LONRF2: variants seen among roughly 807,000 people sequenced by gnomAD.
The protein encoded by LONRF2 is LON peptidase N-terminal domain and RING finger protein 2.
In LONRF2, 35 loss-of-function variants were observed where a neutral mutation model predicts 66.6. The ratio of observed to expected loss-of-function variants is 0.53; its 90% CI spans 0.40 to 0.70. The LOEUF is 0.70. Among genes scored for constraint, LONRF2 ranks in the 30% least tolerant of loss-of-function variants. LONRF2 has a pLI of 0.00. For missense variants in LONRF2, 902 were observed against 1,002.1 expected (o/e 0.90, Z 1.35); for synonymous variants, 417 against 418.1 (o/e 1.00, Z 0.03).
At chr2:100,285,913 G>C (rs1040028008) in intron 11 of LONRF2, among the ~76,000 whole-genome samples, 1 of 152,104 alleles carries the variant, frequency 6.6e-6, no homozygotes, top group Non-Finnish European at 1.5e-5. Flanking sequence ...TAATATACCC[G>C]CCAAGTAGAG....
rs1329857600 is a variant in LONRF2 at position 100,295,631 on chromosome 2, A to C, written c.1477-78T>G. 7.6e-6 allele frequency: 11 copies of C among 1,449,136 alleles called. No individual in the cohort carries two copies. In the Admixed American group the frequency reaches 1.8e-4, roughly 24 times the overall value. 89.8% of individuals were successfully genotyped at this position (1,449,136 alleles called of 1,614,324 possible). A position where few individuals can be genotyped will look rare whatever the true frequency, so the allele number is the denominator to read the frequency against. On this transcript the variant is annotated intron_variant, in intron 7 of 11. Transcript: ENST00000393437. Reference sequence around the variant, plus strand: ...GAAGCTTCCGAGTGGAAAGGTGAACAAGGAGGTGGTGGGTGGGATCTCTGA... The same window carrying C: ...GAAGCTTCCGAGTGGAAAGGTGAACCAGGAGGTGGTGGGTGGGATCTCTGA...
At chr2:100,307,070 G>T (rs1573122276) in intron 2 of LONRF2, among the ~76,000 whole-genome samples, 1 of 151,754 alleles carries the variant, frequency 6.6e-6, no homozygotes, top group Non-Finnish European at 1.5e-5. Context: ...ACAGGCGCCC[G>T]CCACCATGCC....
chr2:100,301,590 CCA>C (rs746853865), intron 3 of LONRF2, among the ~76,000 whole-genome samples: 59 of 152,330 alleles, frequency 3.9e-4, no homozygotes, highest in South Asian at 1.0e-3. Context: ...GGAGATGGAG[CCA>C]CATTCCATGT....
At position 100,284,055 on chromosome 2, in the gene LONRF2, G is replaced by T; in HGVS notation, c.*243C>A. 4 of 401,050 alleles carry T rather than the reference G, an allele frequency of 1.0e-5. No homozygotes were observed. The highest frequency in any genetic ancestry group is 1.8e-5 in the Non-Finnish European group (4 of 223,560). 24.8% of individuals were successfully genotyped at this position (401,050 alleles called of 1,614,324 possible). A position where few individuals can be genotyped will look rare whatever the true frequency, so the allele number is the denominator to read the frequency against. ...ATTCCCCAAGCACCTGCTTCTAAGA[G>T]ATTTTCTTAGGTTGTTTTCCAACTA... On this transcript the variant is annotated 3_prime_UTR_variant, in exon 12 of 12. Coordinates refer to ENST00000393437, the MANE Select transcript of LONRF2 (RefSeq NM_198461.4).
intron 7 of LONRF2, among the ~76,000 whole-genome samples, chr2:100,298,286 G>C (rs907674512): frequency 3.3e-5 from 5 of 152,092 alleles, no homozygotes; most frequent in African/African-American, 1.2e-4. Context: ...TTATATTGGG[G>C]CTAAATATCA....
chr2:100,308,273 G>C (rs2105731900), intron 2 of LONRF2, among the ~76,000 whole-genome samples: 1 of 152,104 alleles, frequency 6.6e-6, no homozygotes, highest in Non-Finnish European at 1.5e-5. Context: ...GGGAGGCTGA[G>C]GCAGGAGAAT....
In LONRF2 at chr2:100,278,439, A is replaced by T. The variant is rs917373029; in HGVS notation, c.*5859T>A. The T allele has an allele frequency of 3.9e-5, 6 of 152,174 alleles. No homozygotes were observed. The highest frequency in any genetic ancestry group is 1.2e-4 in the African/African-American group (5 of 41,412). 9.4% of individuals were successfully genotyped at this position (152,174 alleles called of 1,614,324 possible). On this transcript the variant is annotated 3_prime_UTR_variant, in exon 12 of 12. Transcript: ENST00000393437. The stretch of plus-strand genomic sequence containing the variant: ...GCTCCCACAGGCCGTGCAGCTGCTC[A>T]TCCGATACGGGACCCACTTGAGCCT...
At chr2:100,297,549 C>T (rs1409971218) in intron 7 of LONRF2, among the ~76,000 whole-genome samples, 2 of 152,318 alleles carry the variant, frequency 1.3e-5, no homozygotes, top group East Asian at 3.9e-4. Flanking sequence ...AGGGCTCACA[C>T]ATACATGCAT....
chr2:100,284,209 G>C lies in LONRF2; in HGVS notation c.*89C>G. 1 of 1,257,484 alleles carries C rather than the reference G, an allele frequency of 8.0e-7. No homozygotes were observed. Among genetic ancestry groups the C allele is most frequent in the Non-Finnish European group, 1.1e-6 (1 of 935,190 alleles). The allele number at this position is 1,257,484 out of a possible 1,614,324, so 77.9% of individuals were successfully genotyped here. Reference sequence around the variant, plus strand: ...TTTGGAACCTCATCCACAAGCACTTGATGAAGCACAATGAATGGACGGCTA... The same window carrying C: ...TTTGGAACCTCATCCACAAGCACTTCATGAAGCACAATGAATGGACGGCTA... On this transcript the variant is annotated 3_prime_UTR_variant, in exon 12 of 12. Transcript: ENST00000393437.
rs1457800938 is a variant in LONRF2, at chr2:100,303,007, C to G, written c.835G>C (p.Gly279Arg). Reference protein sequence around the residue: ...QVKAQALSGLGRSKEVLKEFL... With the variant: ...QVKAQALSGLRRSKEVLKEFL... ...TCCTTTAACACTTCCTTACTTCTTC[C>G]CAATCCAGAAAGAGCCTGAGCTTTT... Residue 279 changes from glycine to arginine, a missense_variant, in exon 3 of 12, where the codon GGA becomes CGA. Around this residue, in one of 2 missense-constraint regions of LONRF2, gnomAD observed 585 missense variants for 569.9 expected, o/e 1.03. Coordinates refer to ENST00000393437, the MANE Select transcript of LONRF2 (RefSeq NM_198461.4). 1 of 1,609,692 alleles carries G rather than the reference C, an allele frequency of 6.2e-7. No homozygotes were observed. The highest frequency in any genetic ancestry group is 2.2e-5 in the East Asian group (1 of 44,734).
intron 11 of LONRF2, 97 bp downstream of exon 11, chr2:100,286,817 T>C: frequency 7.1e-7 from 1 of 1,403,284 alleles, no homozygotes; most frequent in Non-Finnish European, 9.7e-7. Flanking sequence ...CACATTGGGG[T>C]AACCAGCATC....
At chr2:100,296,966 C>G (rs767310679) in intron 7 of LONRF2, among the ~76,000 whole-genome samples, 40 of 152,084 alleles carry the variant, frequency 2.6e-4, no homozygotes, top group Non-Finnish European at 5.1e-4. Flanking sequence ...CACTTTATAG[C>G]ATTCTAATTT....
chr2:100,300,563 A>T, intron 4 of LONRF2, 81 bp downstream of exon 4: 1 of 1,356,412 alleles, frequency 7.4e-7, no homozygotes, highest in Non-Finnish European at 1.0e-6. Context: ...ATAATGTGTG[A>T]ATAATCTGTA....
chr2:100,301,422 C>T (rs762988778), intron 3 of LONRF2, among the ~76,000 whole-genome samples: 4 of 152,206 alleles, frequency 2.6e-5, no homozygotes, highest in Non-Finnish European at 5.9e-5. Context: ...AAAGGAGTGA[C>T]TGAAACCTAA....
At chr2:100,309,626 T>C (rs1406458631) in intron 1 of LONRF2, 1 of 152,682 alleles carries the variant, frequency 6.5e-6, no homozygotes, top group Admixed American at 6.5e-5. Flanking sequence ...TTTATGAAAG[T>C]ATGCAAGGAA....
chr2:100,299,029 T>C (rs1675126039), intron 6 of LONRF2, 79 bp from the exon 7 acceptor site: 1 of 1,111,000 alleles, frequency 9.0e-7, no homozygotes, highest in African/African-American at 1.5e-5. Flanking sequence ...GAAGGATTCC[T>C]TATGCAATCC....
rs1481362618 is a variant in LONRF2 at position 100,284,341 on chromosome 2, T to C, written c.2222A>G (p.Asn741Ser). The C allele has an allele frequency of 8.2e-6, 13 of 1,584,238 alleles. No individual in the cohort carries two copies. Among genetic ancestry groups the C allele is most frequent in the Non-Finnish European group, 1.1e-5 (13 of 1,163,892 alleles). ...GGCATTAGCCAGCTCTTGCCGACTATTCATCTTACGCGTGATGATGACTAA... is the reference window on the plus strand; with the variant it reads ...GGCATTAGCCAGCTCTTGCCGACTACTCATCTTACGCGTGATGATGACTAA... The part of the protein sequence containing the change: ...RILVIITRKM[N>S]SRQELANARE... Residue 741 changes from asparagine to serine, a missense_variant, in exon 12 of 12, where the codon AAT becomes AGT. Transcript: ENST00000393437.
At chr2:100,298,229 T>C (rs1040369076) in intron 7 of LONRF2, among the ~76,000 whole-genome samples, 1 of 152,262 alleles carries the variant, frequency 6.6e-6, no homozygotes, top group Non-Finnish European at 1.5e-5. Flanking sequence ...AGCTTTTAAA[T>C]ACTCTTCATT....
chr2:100,285,859 A>C (rs1055966413), intron 11 of LONRF2, among the ~76,000 whole-genome samples: 2 of 152,224 alleles, frequency 1.3e-5, no homozygotes, highest in Admixed American at 1.3e-4. Context: ...TGTTGTTTTA[A>C]GCCACCACGT....
Sources: allele counts gnomAD v4.1 joint callset (sites outside exome capture counted in the v4.1 genomes callset), GRCh38; gene constraint gnomAD v4.1.1; regional missense constraint gnomAD v4.1.1; transcripts MANE v1.5; gene names NCBI Gene and HGNC (gene_info 2026-07-23, HGNC 2026-07-21).